The following NOB1 variants were observed in gnomAD, a reference collection of about 807,000 sequenced individuals.
NOB1 encodes RNA-binding protein NOB1.
In NOB1, 44 loss-of-function variants were observed where a neutral mutation model predicts 44.8. That is an observed-to-expected ratio of 0.98 (90% confidence interval 0.77 to 1.26). The LOEUF (loss-of-function observed/expected upper bound fraction) is 1.26, where lower values mean the gene tolerates loss of function less well. Ranked by LOEUF, NOB1 falls within the 50% of genes most tolerant of loss-of-function variation. The probability of loss-of-function intolerance (pLI) is 0.00; values close to 1 mark genes in which losing one functional copy is unlikely to be tolerated. For synonymous variants in NOB1, 238 were observed against 218.7 expected, an observed-to-expected ratio of 1.09 and a Z score of -0.78; for missense variants, 560 against 544.8, an observed-to-expected ratio of 1.03 and a Z score of -0.28.
rs534480543 is a variant in NOB1 at position 69,743,610 on chromosome 16, G to A, written c.970-1009C>T. Among the ~76,000 whole-genome samples the A allele has an allele frequency of 3.9e-4, 60 of 151,900 alleles. 1 individual carries two copies. The highest frequency in any genetic ancestry group is 1.2e-3 in the African/African-American group (50 of 41,404). ...AATCCCGAGGAAATACCAGACACAC[G>A]CAAGGGAAAGGACATTCTACAAAGG... is the stretch of plus-strand genomic sequence containing the variant. On this transcript the variant is annotated intron_variant, in intron 8 of 8. Coordinates refer to ENST00000268802, the MANE Select transcript of NOB1 (RefSeq NM_014062.3).
rs2038394274 is a variant in NOB1, at chr16:69,742,610, A to AAGAC, written c.970-13_970-10dup. 1 of 1,613,238 alleles carries AAGAC rather than the reference A, an allele frequency of 6.2e-7. No individual in the cohort carries two copies. Among genetic ancestry groups the AAGAC allele is most frequent in the Non-Finnish European group, 8.5e-7 (1 of 1,179,370 alleles). On this transcript the variant is annotated splice_polypyrimidine_tract_variant and intron_variant, in intron 8 of 8. Coordinates refer to ENST00000268802, the MANE Select transcript of NOB1 (RefSeq NM_014062.3). ...GGAGTGGGAAGCGAGTACTGGAAAT[A>AAGAC]AGACAAGGAAGGGCCATTAGAAGAA...
intron 7 of NOB1, among the ~76,000 whole-genome samples, chr16:69,745,353 A>G (rs977073562): frequency 1.3e-5 from 2 of 152,154 alleles, no homozygotes; most frequent in African/African-American, 4.8e-5. Context: ...CATTTTACAG[A>G]TGGGGAAACT....
chr16:69,754,800 G>A (rs2038512244), intron 1 of NOB1, 48 bp downstream of exon 1: 1 of 1,609,484 alleles, frequency 6.2e-7, no homozygotes, highest in Non-Finnish European at 8.5e-7. Context: ...CACTCCGGGA[G>A]GGGCGGCCAG....
Position 69,754,562 on chromosome 16 carries a change from C to T in NOB1, c.196+32G>A, listed in dbSNP as rs904869295. ...GTGCCATCTGCGCCCTGGACCCCAG[C>T]TTCCCGTCAACGCTAGGGCAGAGGC... is the stretch of plus-strand genomic sequence containing the variant. On this transcript the variant is annotated intron_variant, in intron 2 of 8. Transcript: ENST00000268802. 1.9e-6 allele frequency: 3 copies of T among 1,610,712 alleles called. No individual in the cohort carries two copies. The African/African-American group carries it at 4.0e-5, about 22-fold the overall frequency.
Position 69,742,187 on chromosome 16 carries a change from G to A in NOB1, c.*145C>T, listed in dbSNP as rs1046767816. On this transcript the variant is annotated 3_prime_UTR_variant, in exon 9 of 9. Transcript: ENST00000268802. ...CAGTCCAGTTCCCTGCAGACCCAGC[G>A]GGGCATGGGCGGACAGAGCCGCACC... 1.4e-5 allele frequency: 14 copies of A among 1,034,446 alleles called. No homozygotes were observed. Among genetic ancestry groups the A allele is most frequent in the Admixed American group, 8.3e-5 (3 of 36,242 alleles). 64.1% of individuals were successfully genotyped at this position (1,034,446 alleles called of 1,614,324 possible).
rs756940203 is a variant in NOB1, at chr16:69,744,919, A to G, written c.923T>C (p.Met308Thr). The change falls in exon 8 of 9, where the codon ATG becomes ACG. Residue 308 changes from methionine to threonine, a missense_variant. Coordinates refer to ENST00000268802, the MANE Select transcript of NOB1 (RefSeq NM_014062.3). Reference sequence around the variant, plus strand: ...CACCTTGGGGTTGCGGGAGAAGTGCATGTGCAGGGTGCCGTCGTCGCTGAC... The same window carrying G: ...CACCTTGGGGTTGCGGGAGAAGTGCGTGTGCAGGGTGCCGTCGTCGCTGAC... ...VTVSDDGTLH[M>T]HFSRNPKVLN... The G allele has an allele frequency of 1.2e-6, 2 of 1,614,118 alleles. No individual in the cohort carries two copies. The highest frequency in any genetic ancestry group is 1.7e-6 in the Non-Finnish European group (2 of 1,180,026).
At chr16:69,754,063 C>T (rs913440518) in intron 2 of NOB1, among the ~76,000 whole-genome samples, 24 of 152,218 alleles carry the variant, frequency 1.6e-4, no homozygotes, top group Non-Finnish European at 3.1e-4. Flanking sequence ...CCTCGGTCTC[C>T]CAGTGCTGGG....
At chr16:69,747,039 G>C (rs1423132074) in intron 7 of NOB1, among the ~76,000 whole-genome samples, 8 of 149,440 alleles carry the variant, frequency 5.4e-5, no homozygotes, top group Admixed American at 2.7e-4. Context: ...TGGCTAACAC[G>C]GTGAAACCCC....
intron 8 of NOB1, 123 bp downstream of exon 8, chr16:69,744,750 G>T: frequency 1.8e-6 from 2 of 1,097,340 alleles, no homozygotes; most frequent in Non-Finnish European, 2.6e-6. Flanking sequence ...ACTCCGTCTT[G>T]GTACCTAGGT....
At chr16:69,745,121 G>T in intron 7 of NOB1, 104 bp from the exon 8 acceptor site, 1 of 1,201,218 alleles carries the variant, frequency 8.3e-7, no homozygotes, top group Non-Finnish European at 1.2e-6. Flanking sequence ...AACAGGGAAG[G>T]GCTGAACCGC....
chr16:69,752,291 A>G lies in NOB1; in HGVS notation c.277T>C (p.Leu93=), dbSNP rs2038489251. ...DIQVLALTYQ[L]EAEFVGVSHL... The stretch of plus-strand genomic sequence containing the variant: ...GACACCCCAACAAACTCTGCTTCCA[A>G]CTGGTATGTGAGTGCAAGCACTTGG... Residue 93 remains leucine, a synonymous_variant, in exon 3 of 9, where the codon TTG becomes CTG. Coordinates refer to ENST00000268802, the MANE Select transcript of NOB1 (RefSeq NM_014062.3). 6.2e-7 allele frequency: 1 copy of G among 1,613,584 alleles called. No homozygotes were observed. The highest frequency in any genetic ancestry group is 8.5e-7 in the Non-Finnish European group (1 of 1,179,886).
At chr16:69,748,721 T>C (rs960906006) in intron 6 of NOB1, 197 bp downstream of exon 6, 3 of 564,602 alleles carry the variant, frequency 5.3e-6, no homozygotes, top group Non-Finnish European at 9.3e-6. Flanking sequence ...AAACATTTAA[T>C]GTACTATACA....
chr16:69,749,466 G>C (rs554678137), intron 4 of NOB1, 93 bp downstream of exon 4: 1 of 1,527,146 alleles, frequency 6.5e-7, no homozygotes, highest in Admixed American at 1.8e-5. Context: ...TTATTGGTCC[G>C]CGTAAATTTA....
Position 69,742,333 on chromosome 16 carries a change from C to A in NOB1, c.1238G>T (p.Ter413LeuextTer35), listed in dbSNP as rs1456621000. The change falls in exon 9 of 9, where the codon TGA (stop) becomes TTA (leucine). Residue 413 changes from the stop codon to leucine (L), a stop_lost. Coordinates refer to ENST00000268802, the MANE Select transcript of NOB1 (RefSeq NM_014062.3). The stretch of plus-strand genomic sequence containing the variant: ...AATTTGCCTGCGGGAACTCGCTCTT[C>A]ACCTTTTCTTCACAAACTTCTTTCT... ...ASRKKFVKKR[*>L] 2 of 1,610,870 alleles carry A rather than the reference C, an allele frequency of 1.2e-6. No individual in the cohort carries two copies. The highest frequency in any genetic ancestry group is 8.5e-7 in the Non-Finnish European group (1 of 1,177,320).
intron 8 of NOB1, among the ~76,000 whole-genome samples, chr16:69,743,909 C>G (rs1369183118): frequency 6.6e-6 from 1 of 152,148 alleles, no homozygotes. Flanking sequence ...GTCCTTGTTT[C>G]AAGGCAAAAG....
Position 69,742,478 on chromosome 16 carries a change from C to T in NOB1, c.1093G>A (p.Asp365Asn), listed in dbSNP as rs772192178. 1.2e-6 allele frequency: 2 copies of T among 1,614,232 alleles called. No individual in the cohort carries two copies. The highest frequency in any genetic ancestry group is 2.2e-5 in the South Asian group (2 of 91,088). ...AAGGGTGACACCCCGGCGATGTAGT[C>T]AGGGGCGAACACGTTGGTTTTCTGC... is the stretch of plus-strand genomic sequence containing the variant. Reference protein sequence around the residue: ...ARQKTNVFAPDYIAGVSPFVE... With the variant: ...ARQKTNVFAPNYIAGVSPFVE... Residue 365 changes from aspartate to asparagine, a missense_variant, in exon 9 of 9, where the codon GAC becomes AAC. Coordinates refer to ENST00000268802, the MANE Select transcript of NOB1 (RefSeq NM_014062.3).
Position 69,742,198 on chromosome 16 carries a change from G to A in NOB1, c.*134C>T, listed in dbSNP as rs2038387060. The A allele has an allele frequency of 1.5e-5, 18 of 1,167,022 alleles. No individual in the cohort carries two copies. The highest frequency in any genetic ancestry group is 5.2e-5 in the Admixed American group (2 of 38,812). 72.3% of individuals were successfully genotyped at this position (1,167,022 alleles called of 1,614,324 possible). Reference sequence around the variant, plus strand: ...CCTGCAGACCCAGCGGGGCATGGGCGGACAGAGCCGCACCGTGAAGCCCGC... The same window carrying A: ...CCTGCAGACCCAGCGGGGCATGGGCAGACAGAGCCGCACCGTGAAGCCCGC... On this transcript the variant is annotated 3_prime_UTR_variant, in exon 9 of 9. Coordinates refer to ENST00000268802, the MANE Select transcript of NOB1 (RefSeq NM_014062.3).
At chr16:69,744,187 G>A (rs964140006) in intron 8 of NOB1, among the ~76,000 whole-genome samples, 19 of 152,168 alleles carry the variant, frequency 1.2e-4, no homozygotes, top group African/African-American at 4.6e-4. Context: ...CAAGCATGGT[G>A]GCGTGTGCCT....
chr16:69,753,090 C>T (rs987519896), intron 2 of NOB1, among the ~76,000 whole-genome samples: 2 of 151,718 alleles, frequency 1.3e-5, no homozygotes, highest in Non-Finnish European at 2.9e-5. Context: ...GGTGTGGTGG[C>T]GTGTGCCTGT....
Sources: gnomAD v4.1 joint callset for allele counts (sites outside exome capture counted in the v4.1 genomes callset) on GRCh38, gnomAD v4.1.1 for gene constraint, MANE v1.5 for transcripts, NCBI Gene and HGNC (gene_info 2026-07-23, HGNC 2026-07-21) for gene names.